Variants in ESRRG observed in about 807,000 individuals in gnomAD.
ESRRG encodes the protein estrogen-related receptor gamma.
A neutral mutation model predicts 44.0 loss-of-function variants in ESRRG; 13 were observed. That is an observed-to-expected ratio of 0.30 (90% CI 0.19 to 0.47). The LOEUF is 0.47. Ranked by LOEUF, ESRRG falls within the 20% of genes least tolerant of loss-of-function variation. The pLI, the probability that ESRRG is intolerant of heterozygous loss-of-function variation, is 1.00. For missense variants in ESRRG, 395 were observed against 580.6 expected (o/e 0.68, Z 3.29); for synonymous variants, 215 against 214.6 (o/e 1.00, Z -0.02).
intron 1 of ESRRG, among the ~76,000 whole-genome samples, chr1:217,045,581 G>A (rs934205905): frequency 1.3e-5 from 2 of 152,210 alleles, no homozygotes; most frequent in African/African-American, 2.4e-5. Context: ...TCTTTGTGAG[G>A]AGGCACGAGG....
chr1:216,842,777 T>C (rs546395721), intron 2 of ESRRG, among the ~76,000 whole-genome samples: 1 of 152,216 alleles, frequency 6.6e-6, no homozygotes, highest in Non-Finnish European at 1.5e-5. Context: ...GCTATGACTT[T>C]GATAGTGCAT....
At chr1:216,589,262 C>T (rs72737320) in intron 3 of ESRRG, among the ~76,000 whole-genome samples, 3,000 of 152,176 alleles carry the variant, frequency 0.02, 40 homozygotes, top group Non-Finnish European at 0.033. Context: ...CAAGCTTATC[C>T]GACCCACAAG....
intron 1 of ESRRG, among the ~76,000 whole-genome samples, chr1:216,715,679 G>C (rs1212489902): frequency 6.6e-6 from 1 of 151,714 alleles, no homozygotes; most frequent in East Asian, 1.9e-4. Flanking sequence ...TGCAGTTCTG[G>C]ATATATGACT....
At chr1:216,991,205 A>C (rs1370329014) in intron 1 of ESRRG, among the ~76,000 whole-genome samples, 1 of 152,124 alleles carries the variant, frequency 6.6e-6, no homozygotes, top group Non-Finnish European at 1.5e-5. Context: ...CCACCCATCC[A>C]TGGAAAAATT....
intron 1 of ESRRG, chr1:217,078,104 G>C (rs901663390): frequency 6.6e-6 from 1 of 152,200 alleles, no homozygotes; most frequent in South Asian, 2.1e-4. Context: ...GCTTTGCCCT[G>C]TACTATTGCT....
intron 2 of ESRRG, among the ~76,000 whole-genome samples, chr1:216,898,152 A>T (rs1048225192): frequency 6.6e-6 from 1 of 152,224 alleles, no homozygotes; most frequent in African/African-American, 2.4e-5. Context: ...TTTTAGTCAA[A>T]CTAAGCAAGA....
At chr1:217,040,200 T>C (rs2083593419) in intron 1 of ESRRG, among the ~76,000 whole-genome samples, 1 of 152,198 alleles carries the variant, frequency 6.6e-6, no homozygotes, top group Non-Finnish European at 1.5e-5. Flanking sequence ...AGGCTGGTGG[T>C]TGCAAAATGG....
rs1393316065 is a variant in ESRRG at position 217,040,886 on chromosome 1, G to GAA, written c.-106+48619_-106+48620dup. ...TCCACTCAACACAGATGGAGGGCCA[G>GAA]AAATTTCCTGGACCTAAAGGAAATA... On this transcript the variant is annotated intron_variant, in intron 1 of 7. Coordinates refer to the ESRRG transcript ENST00000359162. 2.6e-5 allele frequency among the ~76,000 whole-genome samples: 4 copies of GAA among 152,220 alleles called. No individual in the cohort carries two copies. In the East Asian group the frequency reaches 7.7e-4, roughly 29 times the overall value.
chr1:216,690,011 G>A (rs1340066738), intron 1 of ESRRG, among the ~76,000 whole-genome samples: 1 of 152,000 alleles, frequency 6.6e-6, no homozygotes, highest in Non-Finnish European at 1.5e-5. Context: ...AATCACATAT[G>A]TTGCTGGGAG....
At chr1:216,868,079 CTTTTTTTTTT>C in intron 2 of ESRRG, among the ~76,000 whole-genome samples, 1 of 78,364 alleles carries the variant, frequency 1.3e-5, no homozygotes, top group African/African-American at 5.6e-5. Flanking sequence ...TATATTGATC[CTTTTTTTTTT>C]TTTTTTTTTT....
chr1:216,668,807 A>G (rs2074532947), intron 2 of ESRRG, among the ~76,000 whole-genome samples: 1 of 152,220 alleles, frequency 6.6e-6, no homozygotes, highest in African/African-American at 2.4e-5. Context: ...CAAACAGAGA[A>G]AAGAGACTAG....
chr1:216,610,131 G>A (rs1027870054), intron 3 of ESRRG, among the ~76,000 whole-genome samples: 2 of 151,834 alleles, frequency 1.3e-5, no homozygotes, highest in Non-Finnish European at 2.9e-5. Flanking sequence ...ATAGAAATAT[G>A]AGTTATTAAA....
At chr1:217,119,646 C>T (rs1164427967) in intron 1 of ESRRG, among the ~76,000 whole-genome samples, 1 of 152,112 alleles carries the variant, frequency 6.6e-6, no homozygotes, top group Non-Finnish European at 1.5e-5. Flanking sequence ...GCTCAGTTGG[C>T]TTTGATTTAC....
intron 5 of ESRRG, among the ~76,000 whole-genome samples, chr1:216,525,733 G>A (rs1408058070): frequency 6.6e-6 from 1 of 152,076 alleles, no homozygotes; most frequent in Non-Finnish European, 1.5e-5. Context: ...ACTGAATAGG[G>A]AAAAACACCA....
At chr1:217,065,414 T>A (rs774901417) in intron 1 of ESRRG, among the ~76,000 whole-genome samples, 1 of 152,238 alleles carries the variant, frequency 6.6e-6, no homozygotes, top group Non-Finnish European at 1.5e-5. Context: ...TTAAAGGTGT[T>A]CTTGGAGAAT....
At chr1:216,878,541 A>G (rs2096393022) in intron 2 of ESRRG, among the ~76,000 whole-genome samples, 1 of 152,152 alleles carries the variant, frequency 6.6e-6, no homozygotes, top group South Asian at 2.1e-4. Flanking sequence ...TTTACCTTCC[A>G]CATTTATCTC....
chr1:216,875,536 CTAAGGT>C (rs1159893335), intron 2 of ESRRG, among the ~76,000 whole-genome samples: 1 of 152,140 alleles, frequency 6.6e-6, no homozygotes, highest in African/African-American at 2.4e-5. Flanking sequence ...CTTCTTCTCC[CTAAGGT>C]TACATTTGTG....
intron 1 of ESRRG, among the ~76,000 whole-genome samples, chr1:217,134,934 C>G (rs1240022542): frequency 1.3e-5 from 2 of 152,234 alleles, no homozygotes; most frequent in Admixed American, 1.3e-4. Flanking sequence ...AAAAAGGTGC[C>G]GCAGCGCCCA....
At chr1:216,944,739 C>A (rs575082993) in intron 1 of ESRRG, among the ~76,000 whole-genome samples, 1 of 152,066 alleles carries the variant, frequency 6.6e-6, no homozygotes, top group African/African-American at 2.4e-5. Context: ...ACCATATCTG[C>A]CTGAAAGTGG....
Sources: gnomAD v4.1 joint callset for allele counts (sites outside exome capture counted in the v4.1 genomes callset) on GRCh38, gnomAD v4.1.1 for gene constraint, MANE v1.5 for transcripts, NCBI Gene and HGNC (gene_info 2026-07-23, HGNC 2026-07-21) for gene names.